The following ZNF503 variants were observed in gnomAD, a reference collection of about 807,000 sequenced individuals.
ZNF503 encodes the protein zinc finger protein 503, also known as NocA-like zinc finger 2.
ZNF503 carries 15 observed loss-of-function variants against 34.4 expected under a neutral mutation model. The observed-to-expected ratio is 0.44, with a 90% CI of 0.29 to 0.67. ZNF503 has a LOEUF of 0.67. Among genes scored for constraint, ZNF503 ranks in the 30% least tolerant of loss-of-function variants. ZNF503 has a pLI of 0.13. For synonymous variants in ZNF503, 580 were observed against 456.8 expected (o/e 1.27, Z -3.44); for missense variants, 1,007 against 926.8 (o/e 1.09, Z -1.12).
chr10:75,346,814 T>C, the ZNF503 span, among the ~76,000 whole-genome samples: 438 of 151,946 alleles, frequency 2.9e-3, 2 homozygotes, highest in African/African-American at 0.01. Context: ...AGAATTTTTT[T>C]TTTTTTTTGT....
chr10:75,288,391 A>AT, the ZNF503 span: 19 of 152,524 alleles, frequency 1.2e-4, 1 homozygote, highest in East Asian at 3.5e-3. Flanking sequence ...GTTGGGCTAC[A>AT]TGTCCAAGGC....
chr10:75,300,798 C>T, the ZNF503 span, among the ~76,000 whole-genome samples: 26,574 of 147,864 alleles, frequency 0.18, 2,478 homozygotes, highest in Non-Finnish European at 0.2. Flanking sequence ...CTCTGCCTTC[C>T]GGGTTCAAGT....
chr10:75,305,260 A>G, the ZNF503 span, among the ~76,000 whole-genome samples: 1 of 152,106 alleles, frequency 6.6e-6, no homozygotes, highest in Non-Finnish European at 1.5e-5. Flanking sequence ...TAACAAATTA[A>G]CAGACTTTTT....
the ZNF503 span, among the ~76,000 whole-genome samples, chr10:75,355,608 C>G: frequency 6.6e-6 from 1 of 152,194 alleles, no homozygotes; most frequent in African/African-American, 2.4e-5. Flanking sequence ...CCCCTGATAA[C>G]AGTGCTTGGG....
chr10:75,365,960 C>T, the ZNF503 span, among the ~76,000 whole-genome samples: 1 of 152,164 alleles, frequency 6.6e-6, no homozygotes, highest in Non-Finnish European at 1.5e-5. Flanking sequence ...CCCAGAGGAG[C>T]CCCAGTGAGG....
the ZNF503 span, among the ~76,000 whole-genome samples, chr10:75,314,236 CAAAAAAAAAA>C: frequency 1.1e-5 from 1 of 89,808 alleles, no homozygotes; most frequent in Non-Finnish European, 2.2e-5. Context: ...GACTCCGTCT[CAAAAAAAAAA>C]AAAAAAAAAA....
At chr10:75,368,628 A>G in the ZNF503 span, among the ~76,000 whole-genome samples, 1 of 152,216 alleles carries the variant, frequency 6.6e-6, no homozygotes, top group Non-Finnish European at 1.5e-5. Flanking sequence ...GCATGACCTC[A>G]TGTGGATCAT....
chr10:75,355,858 G>A, the ZNF503 span, among the ~76,000 whole-genome samples: 1 of 152,182 alleles, frequency 6.6e-6, no homozygotes, highest in African/African-American at 2.4e-5. Context: ...TGGAAGATTC[G>A]AAGGCTGAAG....
rs200506550 is a variant in ZNF503 at position 75,401,113 on chromosome 10, G to C, written c.307C>G (p.Pro103Ala). Residue 103 changes from proline (P) to alanine (A), a missense_variant, in exon 1 of 2, where the codon CCC becomes GCC. Transcript: ENST00000372524. Reference sequence around the variant, plus strand: ...AGAGAGAGGGTCCTTACCTCGATGGGGCTGACCGGCGTGGAAGGCAGGGGC... The same window carrying C: ...AGAGAGAGGGTCCTTACCTCGATGGCGCTGACCGGCGTGGAAGGCAGGGGC... ...LQPLPSTPVSPIELDAKKSPL... is the reference protein window; with the variant it reads ...LQPLPSTPVSAIELDAKKSPL... 3 of 1,613,498 alleles carry C rather than the reference G, an allele frequency of 1.9e-6. No homozygotes were observed. Among genetic ancestry groups the C allele is most frequent in the Non-Finnish European group, 2.5e-6 (3 of 1,179,844 alleles).
At chr10:75,371,560 C>T in the ZNF503 span, among the ~76,000 whole-genome samples, 1 of 152,202 alleles carries the variant, frequency 6.6e-6, no homozygotes, top group Non-Finnish European at 1.5e-5. Context: ...TGATTTCACA[C>T]CCAGAGCCAG....
the ZNF503 span, among the ~76,000 whole-genome samples, chr10:75,383,708 C>A: frequency 6.6e-6 from 1 of 152,202 alleles, no homozygotes; most frequent in African/African-American, 2.4e-5. Context: ...TCCGCCATTT[C>A]ATTTGCTATC....
At chr10:75,361,888 T>C in the ZNF503 span, among the ~76,000 whole-genome samples, 1 of 151,994 alleles carries the variant, frequency 6.6e-6, no homozygotes, top group Admixed American at 6.6e-5. Flanking sequence ...ACTAAAGGGG[T>C]TCCTGGGAAG....
At chr10:75,393,630 G>A (rs1387553205), downstream of ZNF503, among the ~76,000 whole-genome samples, 1 of 152,196 alleles carries the variant, frequency 6.6e-6, no homozygotes, top group Non-Finnish European at 1.5e-5. Flanking sequence ...AGGCTAAGGT[G>A]GGAGTCACTT....
chr10:75,329,825 T>C, the ZNF503 span, among the ~76,000 whole-genome samples: 6 of 152,278 alleles, frequency 3.9e-5, no homozygotes, highest in Non-Finnish European at 8.8e-5. Flanking sequence ...ACAGTTTGAC[T>C]TTCTCCATTC....
the ZNF503 span, among the ~76,000 whole-genome samples, chr10:75,384,977 C>T: frequency 6.6e-6 from 1 of 152,184 alleles, no homozygotes; most frequent in Non-Finnish European, 1.5e-5. Flanking sequence ...GGTGCTGAGA[C>T]CCCATGCTAT....
At chr10:75,340,271 TCA>T in the ZNF503 span, among the ~76,000 whole-genome samples, 1 of 152,150 alleles carries the variant, frequency 6.6e-6, no homozygotes, top group Middle Eastern at 3.4e-3. Context: ...ATAATAATAG[TCA>T]CACACACAGC....
the ZNF503 span, among the ~76,000 whole-genome samples, chr10:75,281,730 G>C: frequency 6.6e-6 from 1 of 152,212 alleles, no homozygotes; most frequent in Admixed American, 6.5e-5. Flanking sequence ...GCCACAGCTT[G>C]CTCTGGAGCT....
the ZNF503 span, among the ~76,000 whole-genome samples, chr10:75,282,813 A>T: frequency 6.6e-6 from 1 of 152,198 alleles, no homozygotes; most frequent in Non-Finnish European, 1.5e-5. Flanking sequence ...ATGCAGTAAC[A>T]GTACTTGCCT....
the ZNF503 span, chr10:75,361,469 T>C: frequency 6.6e-6 from 1 of 152,236 alleles, no homozygotes; most frequent in South Asian, 2.1e-4. Flanking sequence ...ACACCTAGTA[T>C]GAGCTCTCTG....
Sources: allele counts gnomAD v4.1 joint callset (sites outside exome capture counted in the v4.1 genomes callset), GRCh38; gene constraint gnomAD v4.1.1; transcripts MANE v1.5; gene names NCBI Gene and HGNC (gene_info 2026-07-23, HGNC 2026-07-21).